Variants in DLGAP2 observed in about 807,000 individuals in gnomAD.
DLGAP2 encodes the protein DLG associated protein 2, also known as disks large-associated protein 2.
In DLGAP2, 26 loss-of-function variants were observed where a neutral mutation model predicts 100.3. The observed-to-expected ratio is 0.26, with a 90% CI of 0.19 to 0.36. The LOEUF (loss-of-function observed/expected upper bound fraction) is 0.36, where lower values mean the gene tolerates loss of function less well. Ranked by LOEUF, DLGAP2 falls within the 10% of genes least tolerant of loss-of-function variation. The pLI is 1.00. For synonymous variants in DLGAP2, 886 were observed against 630.1 expected (o/e 1.41, Z -6.08); for missense variants, 1,858 against 1,453.2 (o/e 1.28, Z -4.53).
intron 2 of DLGAP2, among the ~76,000 whole-genome samples, chr8:1,194,886 G>T (rs1413606516): frequency 6.6e-6 from 1 of 152,214 alleles, no homozygotes; most frequent in Non-Finnish European, 1.5e-5. Flanking sequence ...TCTGTGCTTG[G>T]TGCTCACGCT....
At position 1,564,851 on chromosome 8, in the gene DLGAP2, G is replaced by C. The variant is rs73671224; in HGVS notation, c.1231-832G>C. Among the ~76,000 whole-genome samples the C allele has an allele frequency of 6.9e-3, 1,051 of 151,522 alleles. 9 individuals are homozygous for C. The highest frequency in any genetic ancestry group is 0.025 in the African/African-American group (1,014 of 41,228). On this transcript the variant is annotated intron_variant, in intron 5 of 14. Coordinates refer to ENST00000637795, the MANE Select transcript of DLGAP2 (RefSeq NM_001346810.2). Reference sequence around the variant, plus strand: ...TATTGCATGCACAGGCAGGTGCTGAGTTCCATACCACACAGATATGTAACA... The same window carrying C: ...TATTGCATGCACAGGCAGGTGCTGACTTCCATACCACACAGATATGTAACA...
chr8:1,249,561 C>G (rs370540024), intron 2 of DLGAP2, among the ~76,000 whole-genome samples: 1 of 152,126 alleles, frequency 6.6e-6, no homozygotes, highest in Admixed American at 6.5e-5. Flanking sequence ...AGAATAATTC[C>G]TTATACGACT....
At chr8:1,553,099 C>G (rs1469235965) in intron 5 of DLGAP2, among the ~76,000 whole-genome samples, 1 of 152,170 alleles carries the variant, frequency 6.6e-6, no homozygotes, top group Non-Finnish European at 1.5e-5. Context: ...CGGGAAGGCT[C>G]CTGGCGGCAT....
chr8:1,108,396 G>A (rs1585067548), intron 2 of DLGAP2, among the ~76,000 whole-genome samples: 1 of 152,206 alleles, frequency 6.6e-6, no homozygotes, highest in Non-Finnish European at 1.5e-5. Flanking sequence ...GTTGCAGGGC[G>A]GCCTGTGATT....
At chr8:1,254,933 C>CCTCTGCTGCCCGGGTGCTGTGTCTGTGCT (rs1563043068) in intron 2 of DLGAP2, among the ~76,000 whole-genome samples, 1,733 of 133,928 alleles carry the variant, frequency 0.013, 49 homozygotes, top group South Asian at 0.036. Context: ...GTGTGTGTGC[C>CCTCTGCTGCCCGGGTGCTGTGTCTGTGCT]CTCTCCTGCC....
chr8:1,341,255 A>C (rs114654136), intron 3 of DLGAP2, among the ~76,000 whole-genome samples: 11 of 152,190 alleles, frequency 7.2e-5, no homozygotes, highest in African/African-American at 2.4e-4. Flanking sequence ...AATGAGATAC[A>C]TATCAAATAA....
chr8:1,012,064 T>G (rs1801305590), intron 2 of DLGAP2, among the ~76,000 whole-genome samples: 1 of 152,202 alleles, frequency 6.6e-6, no homozygotes, highest in Non-Finnish European at 1.5e-5. Context: ...GCCAGGTCCT[T>G]CACATGCATG....
intron 3 of DLGAP2, among the ~76,000 whole-genome samples, chr8:1,260,534 G>A (rs564573636): frequency 6.6e-6 from 1 of 152,238 alleles, no homozygotes; most frequent in South Asian, 2.1e-4. Flanking sequence ...CATGATGTTT[G>A]GAGGCGAGGG....
chr8:1,627,406 T>G (rs1430762121), intron 7 of DLGAP2, among the ~76,000 whole-genome samples: 3 of 151,144 alleles, frequency 2.0e-5, no homozygotes. Flanking sequence ...ACGGGAGGGG[T>G]GGTATTAAAA....
intron 2 of DLGAP2, among the ~76,000 whole-genome samples, chr8:1,162,673 A>G (rs1365054646): frequency 6.6e-6 from 1 of 152,270 alleles, no homozygotes; most frequent in East Asian, 1.9e-4. Context: ...TTTTTATTTC[A>G]TAATATTAAT....
intron 2 of DLGAP2, among the ~76,000 whole-genome samples, chr8:1,001,672 A>G (rs1281556260): frequency 2.0e-5 from 3 of 152,036 alleles, no homozygotes; most frequent in East Asian, 1.9e-4. Context: ...TATTGATGTT[A>G]TAGAAGTTGC....
At chr8:1,190,401 GC>G (rs1208424222) in intron 2 of DLGAP2, among the ~76,000 whole-genome samples, 4 of 37,382 alleles carry the variant, frequency 1.1e-4, no homozygotes, top group Non-Finnish European at 2.7e-4. Flanking sequence ...CAGGGTCGGG[GC>G]ATCTGCTGTT....
At chr8:966,048 G>A (rs775712043) in intron 2 of DLGAP2, among the ~76,000 whole-genome samples, 2 of 152,194 alleles carry the variant, frequency 1.3e-5, no homozygotes, top group Non-Finnish European at 2.9e-5. Context: ...AAGGACAAGC[G>A]CCATTCTTGA....
chr8:1,470,084 C>T (rs1173099706), intron 3 of DLGAP2, among the ~76,000 whole-genome samples: 2 of 152,036 alleles, frequency 1.3e-5, no homozygotes, highest in Non-Finnish European at 2.9e-5. Context: ...ATCACTTGAG[C>T]CCAGGAGGTC....
At chr8:910,907 A>G (rs13257920) in intron 2 of DLGAP2, among the ~76,000 whole-genome samples, 105,587 of 151,888 alleles carry the variant, frequency 0.7, 36,905 homozygotes, top group Admixed American at 0.77. Context: ...GCGCCACCAC[A>G]TTTGGGCTGA....
At chr8:874,315 C>T (rs796818071) in intron 1 of DLGAP2, among the ~76,000 whole-genome samples, 29 of 151,926 alleles carry the variant, frequency 1.9e-4, no homozygotes, top group African/African-American at 6.3e-4. Context: ...TGAGGTCTTT[C>T]TTTTTCCTTC....
intron 2 of DLGAP2, among the ~76,000 whole-genome samples, chr8:1,031,187 A>G (rs1172736512): frequency 6.6e-6 from 1 of 151,974 alleles, no homozygotes; most frequent in Non-Finnish European, 1.5e-5. Flanking sequence ...CCCAATACGT[A>G]CACACTCAGT....
At chr8:1,446,789 C>T (rs1297426994) in intron 3 of DLGAP2, among the ~76,000 whole-genome samples, 1 of 152,170 alleles carries the variant, frequency 6.6e-6, no homozygotes, top group African/African-American at 2.4e-5. Flanking sequence ...TTTTAGTTCT[C>T]ATTAAAGAGG....
intron 2 of DLGAP2, among the ~76,000 whole-genome samples, chr8:1,037,151 G>T (rs770689261): frequency 1.3e-5 from 2 of 152,156 alleles, no homozygotes; most frequent in Non-Finnish European, 2.9e-5. Flanking sequence ...GGTGGATTCA[G>T]TCCTTCCTGC....
Sources: gnomAD v4.1 joint callset for allele counts (sites outside exome capture counted in the v4.1 genomes callset) on GRCh38, gnomAD v4.1.1 for gene constraint, MANE v1.5 for transcripts, NCBI Gene and HGNC (gene_info 2026-07-23, HGNC 2026-07-21) for gene names.